The following PPP2R2B variants were observed in gnomAD, a reference collection of about 807,000 sequenced individuals.
PPP2R2B encodes the protein serine/threonine-protein phosphatase 2A 55 kDa regulatory subunit B beta isoform.
In PPP2R2B, 5 loss-of-function variants were observed where a neutral mutation model predicts 46.0. The observed-to-expected ratio is 0.11, with a 90% CI of 0.06 to 0.23. The LOEUF is 0.23. Ranked by LOEUF, PPP2R2B falls within the 10% of genes least tolerant of loss-of-function variation. The pLI is 1.00. For synonymous variants in PPP2R2B, 215 were observed against 206.7 expected (o/e 1.04, Z -0.34); for missense variants, 367 against 575.0 (o/e 0.64, Z 3.70).
chr5:146,998,920 A>G (rs550201618), intron 1 of PPP2R2B, among the ~76,000 whole-genome samples: 1 of 149,816 alleles, frequency 6.7e-6, no homozygotes, highest in Admixed American at 6.8e-5. Flanking sequence ...AGGAGTAGAA[A>G]GTGTCAGAGC....
intron 1 of PPP2R2B, among the ~76,000 whole-genome samples, chr5:146,992,541 G>A (rs1360033291): frequency 6.6e-6 from 1 of 152,166 alleles, no homozygotes; most frequent in African/African-American, 2.4e-5. Flanking sequence ...GGTAGCGACA[G>A]TTCTGACTCT....
At chr5:146,654,153 G>GA (rs1298860099) in intron 5 of PPP2R2B, among the ~76,000 whole-genome samples, 4 of 152,210 alleles carry the variant, frequency 2.6e-5, no homozygotes, top group African/African-American at 9.7e-5. Context: ...GCCAGTCACT[G>GA]AGTTTAGAAC....
At chr5:147,028,103 G>C (rs953036809) in intron 1 of PPP2R2B, among the ~76,000 whole-genome samples, 1 of 152,134 alleles carries the variant, frequency 6.6e-6, no homozygotes, top group East Asian at 1.9e-4. Context: ...GGAGATAAGA[G>C]GGAAGGTGGG....
intron 1 of PPP2R2B, among the ~76,000 whole-genome samples, chr5:146,885,702 A>T (rs1259700692): frequency 1.3e-5 from 2 of 152,246 alleles, no homozygotes; most frequent in East Asian, 3.8e-4. Context: ...TATAATAGCC[A>T]AAAAGTGGAA....
intron 2 of PPP2R2B, among the ~76,000 whole-genome samples, chr5:146,754,517 T>C (rs1425882533): frequency 6.6e-6 from 1 of 152,230 alleles, no homozygotes; most frequent in African/African-American, 2.4e-5. Flanking sequence ...AGTTCTTCGA[T>C]ACTCTTTCCC....
chr5:146,615,538 A>G (rs1388432266), intron 7 of PPP2R2B, among the ~76,000 whole-genome samples: 1 of 150,282 alleles, frequency 6.7e-6, no homozygotes. Context: ...AAAGAAAAAA[A>G]AAACTATTAG....
Position 146,584,370 on chromosome 5 carries a change from A to C in PPP2R2B, c.*5577T>G, listed in dbSNP as rs963343787. On this transcript the variant is annotated 3_prime_UTR_variant, in exon 10 of 10. Coordinates refer to ENST00000394411, the MANE Select transcript of PPP2R2B (RefSeq NM_181675.4). ...ACTTCACTCTCTGCTTTGATGACAGACCAAATTTGTATTCTTGGTCAGCTG... is the reference window on the plus strand; with the variant it reads ...ACTTCACTCTCTGCTTTGATGACAGCCCAAATTTGTATTCTTGGTCAGCTG... 6.6e-6 allele frequency: 1 copy of C among 152,186 alleles called. No homozygotes were observed. The highest frequency in any genetic ancestry group is 1.5e-5 in the Non-Finnish European group (1 of 68,038). 9.4% of individuals were successfully genotyped at this position (152,186 alleles called of 1,614,324 possible).
chr5:146,601,139 A>G (rs1273035484), intron 7 of PPP2R2B, among the ~76,000 whole-genome samples: 1 of 152,216 alleles, frequency 6.6e-6, no homozygotes, highest in Non-Finnish European at 1.5e-5. Flanking sequence ...CTATGGCTGA[A>G]TAGTATTCCA....
intron 1 of PPP2R2B, among the ~76,000 whole-genome samples, chr5:146,908,584 C>G (rs1763078534): frequency 6.6e-6 from 1 of 150,872 alleles, no homozygotes; most frequent in Non-Finnish European, 1.5e-5. Context: ...CTAAGGGCTC[C>G]ATTAACAGAA....
intron 2 of PPP2R2B, among the ~76,000 whole-genome samples, chr5:146,739,664 C>T (rs893273700): frequency 2.0e-5 from 3 of 152,134 alleles, no homozygotes; most frequent in African/African-American, 7.2e-5. Context: ...AAAGAAGCTA[C>T]GATTATAATT....
chr5:146,681,798 A>G (rs537559174), intron 5 of PPP2R2B, among the ~76,000 whole-genome samples: 1 of 152,358 alleles, frequency 6.6e-6, no homozygotes, highest in East Asian at 1.9e-4. Context: ...CAGACCATTT[A>G]ACAACCAAGG....
intron 2 of PPP2R2B, among the ~76,000 whole-genome samples, chr5:146,855,739 C>T (rs76748066): frequency 0.01 from 1,555 of 152,216 alleles, 10 homozygotes; most frequent in Non-Finnish European, 0.015. Flanking sequence ...AATCAAAATA[C>T]AGTTCTTTTG....
At chr5:146,605,590 T>C (rs1772189185) in intron 7 of PPP2R2B, among the ~76,000 whole-genome samples, 1 of 152,204 alleles carries the variant, frequency 6.6e-6, no homozygotes, top group African/African-American at 2.4e-5. Context: ...ATCTGGCCTC[T>C]ACTCACTAGA....
chr5:146,973,100 GGTTAT>G (rs1752738444), intron 1 of PPP2R2B, among the ~76,000 whole-genome samples: 2 of 151,944 alleles, frequency 1.3e-5, no homozygotes, highest in African/African-American at 2.4e-5. Flanking sequence ...CTTTTTCTGA[GGTTAT>G]GTTATGTCTT....
chr5:146,981,585 A>G (rs1359660796), intron 1 of PPP2R2B, among the ~76,000 whole-genome samples: 1 of 152,174 alleles, frequency 6.6e-6, no homozygotes, highest in Non-Finnish European at 1.5e-5. Flanking sequence ...TACACAGAGA[A>G]CACTTGTATC....
chr5:146,971,476 G>T (rs1399835519), intron 1 of PPP2R2B, among the ~76,000 whole-genome samples: 2 of 152,144 alleles, frequency 1.3e-5, no homozygotes, highest in Non-Finnish European at 2.9e-5. Context: ...TACCTTGAAA[G>T]AATGCGCCAC....
intron 2 of PPP2R2B, among the ~76,000 whole-genome samples, chr5:147,076,570 T>A (rs1303910267): frequency 6.6e-6 from 1 of 152,202 alleles, no homozygotes; most frequent in Non-Finnish European, 1.5e-5. Context: ...AATAAAAGAA[T>A]AAACATTATG....
intron 1 of PPP2R2B, among the ~76,000 whole-genome samples, chr5:147,028,190 C>T (rs1159568712): frequency 6.6e-6 from 1 of 152,168 alleles, no homozygotes; most frequent in Non-Finnish European, 1.5e-5. Context: ...CTTGGCTCCT[C>T]TAGAAACAAA....
intron 7 of PPP2R2B, among the ~76,000 whole-genome samples, chr5:146,625,801 C>T (rs1039253960): frequency 6.6e-6 from 1 of 152,122 alleles, no homozygotes; most frequent in African/African-American, 2.4e-5. Context: ...AATCAGCTGA[C>T]CTTAAGGTGG....
Sources: allele counts gnomAD v4.1 joint callset (sites outside exome capture counted in the v4.1 genomes callset), GRCh38; gene constraint gnomAD v4.1.1; transcripts MANE v1.5; gene names NCBI Gene and HGNC (gene_info 2026-07-23, HGNC 2026-07-21).